DACH2: variants seen among roughly 807,000 people sequenced by gnomAD.
DACH2 encodes dachshund homolog 2.
A neutral mutation model predicts 35.8 loss-of-function variants in DACH2; 17 were observed. The observed-to-expected ratio is 0.48, with a 90% CI of 0.33 to 0.71. The LOEUF is 0.71. Among genes scored for constraint, DACH2 ranks in the 30% least tolerant of loss-of-function variants. The probability of loss-of-function intolerance (pLI) is 0.02; values close to 1 mark genes in which losing one functional copy is unlikely to be tolerated. For synonymous variants in DACH2, 195 were observed against 177.3 expected (o/e 1.10, Z -0.79); for missense variants, 469 against 472.7 (o/e 0.99, Z 0.07).
intron 3 of DACH2, among the ~76,000 whole-genome samples, chrX:86,591,712 A>G (rs550702160): frequency 1.2e-3 from 133 of 109,048 alleles, no homozygotes; most frequent in African/African-American, 4.1e-3. Flanking sequence ...TGATTTTTGT[A>G]TTTTTAGTAG....
At chrX:86,423,624 T>C (rs1214520021) in intron 2 of DACH2, among the ~76,000 whole-genome samples, 2 of 110,150 alleles carry the variant, frequency 1.8e-5, no homozygotes, top group Admixed American at 1.9e-4. Context: ...TGTGTCTTCA[T>C]TGATTGTTTC....
chrX:86,502,473 G>A (rs2038265431), intron 2 of DACH2, among the ~76,000 whole-genome samples: 1 of 111,923 alleles, frequency 8.9e-6, no homozygotes, highest in Non-Finnish European at 1.9e-5. Context: ...TCTACAAAAA[G>A]AGAAACAATC....
chrX:86,549,975 T>A (rs575474585), intron 3 of DACH2, among the ~76,000 whole-genome samples: 1 of 111,774 alleles, frequency 8.9e-6, no homozygotes, highest in Admixed American at 9.6e-5. Flanking sequence ...AAGACTGTTA[T>A]TTATCAATCA....
intron 3 of DACH2, among the ~76,000 whole-genome samples, chrX:86,647,016 T>A (rs764271970): frequency 5.6e-4 from 61 of 109,805 alleles, no homozygotes; most frequent in African/African-American, 1.8e-3. Flanking sequence ...TTTTTAAAAA[T>A]ATATATAAGA....
At chrX:86,454,617 T>C (rs986615427) in intron 2 of DACH2, among the ~76,000 whole-genome samples, 61 of 112,568 alleles carry the variant, frequency 5.4e-4, no homozygotes, top group Middle Eastern at 4.6e-3. Context: ...TTTTTAGCTC[T>C]ATCAGGGCCG....
intron 1 of DACH2, among the ~76,000 whole-genome samples, chrX:86,346,539 T>TA: frequency 9.0e-6 from 1 of 111,380 alleles, no homozygotes; most frequent in African/African-American, 3.3e-5. Flanking sequence ...CATCTTAAGA[T>TA]AAAACCCCAA....
intron 4 of DACH2, among the ~76,000 whole-genome samples, chrX:86,656,062 C>T (rs769799244): frequency 3.7e-4 from 35 of 95,621 alleles, no homozygotes; most frequent in Non-Finnish European, 2.3e-4. Flanking sequence ...ATAATGGCCT[C>T]GGTGATTACA....
At chrX:86,662,494 G>A (rs1188868501) in intron 4 of DACH2, among the ~76,000 whole-genome samples, 1 of 110,909 alleles carries the variant, frequency 9.0e-6, no homozygotes, top group Non-Finnish European at 1.9e-5. Flanking sequence ...AGCTAGTCGG[G>A]AGGCAGGAGA....
chrX:86,348,141 C>T (rs1044216505), intron 1 of DACH2, among the ~76,000 whole-genome samples: 1 of 111,666 alleles, frequency 9.0e-6, no homozygotes, highest in Admixed American at 9.5e-5. Context: ...TTACAAGTCA[C>T]CATCCTACCA....
intron 3 of DACH2, among the ~76,000 whole-genome samples, chrX:86,573,064 C>G (rs1185567270): frequency 1.8e-5 from 2 of 110,558 alleles, no homozygotes; most frequent in African/African-American, 6.6e-5. Context: ...CATTTTCAGT[C>G]AGTGCCCAGT....
At chrX:86,700,560 T>A (rs1468894815) in intron 5 of DACH2, among the ~76,000 whole-genome samples, 1 of 110,361 alleles carries the variant, frequency 9.1e-6, no homozygotes, top group Non-Finnish European at 1.9e-5. Flanking sequence ...TCCATGATTT[T>A]GTTCTTTGAA....
intron 6 of DACH2, among the ~76,000 whole-genome samples, chrX:86,737,325 T>C (rs923892300): frequency 1.4e-4 from 16 of 111,855 alleles, no homozygotes; most frequent in African/African-American, 5.2e-4. Flanking sequence ...AAAAGAAATG[T>C]ATCAGTATTC....
intron 6 of DACH2, among the ~76,000 whole-genome samples, chrX:86,728,936 AG>A (rs1199029293): frequency 1.2e-4 from 13 of 112,835 alleles, no homozygotes; most frequent in African/African-American, 4.2e-4. Context: ...GGCAGTGCAG[AG>A]GGAAAATAAC....
At chrX:86,513,625 A>G (rs1359906701) in intron 2 of DACH2, among the ~76,000 whole-genome samples, 1 of 112,352 alleles carries the variant, frequency 8.9e-6, no homozygotes, top group Non-Finnish European at 1.9e-5. Context: ...TTAGTTAAAA[A>G]CACCAATCAA....
intron 1 of DACH2, among the ~76,000 whole-genome samples, chrX:86,290,689 C>T (rs1569332685): frequency 3.9e-5 from 4 of 103,348 alleles, no homozygotes. Flanking sequence ...AATCCTTTCC[C>T]CATTGCTTGT....
intron 2 of DACH2, among the ~76,000 whole-genome samples, chrX:86,395,900 C>T (rs1450848436): frequency 9.0e-6 from 1 of 111,433 alleles, no homozygotes; most frequent in Non-Finnish European, 1.9e-5. Flanking sequence ...TGGGTATATA[C>T]CCAGTAATGG....
intron 2 of DACH2, among the ~76,000 whole-genome samples, chrX:86,492,300 G>C (rs2148246913): frequency 9.0e-6 from 1 of 111,521 alleles, no homozygotes; most frequent in African/African-American, 3.2e-5. Flanking sequence ...CTTGCCAGCT[G>C]TGTGTACTGA....
chrX:86,787,190 C>A (rs1445436716), intron 7 of DACH2, among the ~76,000 whole-genome samples: 1 of 112,040 alleles, frequency 8.9e-6, no homozygotes, highest in African/African-American at 3.2e-5. Flanking sequence ...AAAAATAAAT[C>A]TTTAAAAAAA....
intron 11 of DACH2, among the ~76,000 whole-genome samples, chrX:86,817,566 G>A (rs1419035): frequency 0.38 from 41,940 of 110,154 alleles, 6,193 homozygotes; most frequent in Middle Eastern, 0.43. Flanking sequence ...AGGGTAATCC[G>A]AATACACCAC....
Sources: gnomAD v4.1 joint callset for allele counts (sites outside exome capture counted in the v4.1 genomes callset) on GRCh38, gnomAD v4.1.1 for gene constraint, MANE v1.5 for transcripts, NCBI Gene and HGNC (gene_info 2026-07-23, HGNC 2026-07-21) for gene names.